NEK10: variants seen among roughly 807,000 people sequenced by gnomAD.
NEK10 encodes serine/threonine-protein kinase Nek10.
Under a neutral mutation model 159.8 loss-of-function variants are expected in NEK10, and 122 were observed. The observed-to-expected ratio is 0.76, with a 90% CI of 0.66 to 0.89. The LOEUF (loss-of-function observed/expected upper bound fraction) is 0.89. NEK10 is among the 40% of genes least tolerant of loss of function. The pLI, the probability that NEK10 is intolerant of heterozygous loss-of-function variation, is 0.00. For missense variants in NEK10, 1,342 were observed against 1,323.1 expected, an observed-to-expected ratio of 1.01 and a Z score of -0.22; for synonymous variants, 466 against 457.1, an observed-to-expected ratio of 1.02 and a Z score of -0.25.
intron 6 of NEK10, among the ~76,000 whole-genome samples, chr3:27,321,338 T>C (rs889283002): frequency 6.6e-6 from 1 of 152,132 alleles, no homozygotes; most frequent in East Asian, 1.9e-4. Flanking sequence ...ATGTACAAGA[T>C]GTCCAGGTGA....
chr3:27,290,739 C>T lies in NEK10; in HGVS notation c.1621G>A (p.Gly541Ser), dbSNP rs1422668357. 5 of 1,605,920 alleles carry T rather than the reference C, an allele frequency of 3.1e-6. No homozygotes were observed. Among genetic ancestry groups the T allele is most frequent in the Admixed American group, 1.7e-5 (1 of 59,106 alleles). Reference protein sequence around the residue: ...GCVYKVRKHSGQNLLAMKEVN... With the variant: ...GCVYKVRKHSSQNLLAMKEVN... The stretch of plus-strand genomic sequence containing the variant: ...TCTTTCATTGCTAAAAGATTTTGAC[C>T]ACTATGCTTTCTAACCTAAAATAAA... Residue 541 changes from glycine (G) to serine (S), a missense_variant, in exon 19 of 36, where the codon GGT becomes AGT. Transcript: ENST00000691995.
At position 27,119,839 on chromosome 3, in the gene NEK10, C is replaced by T. The variant is rs1941031939; in HGVS notation, c.3111G>A (p.Glu1037=). The T allele has an allele frequency of 6.2e-7, 1 of 1,613,858 alleles. No individual in the cohort carries two copies. The highest frequency in any genetic ancestry group is 8.5e-7 in the Non-Finnish European group (1 of 1,179,862). The change falls in exon 33 of 36, where the codon GAG becomes GAA. Residue 1037 remains glutamate, a synonymous_variant. Coordinates refer to ENST00000691995, the MANE Select transcript of NEK10 (RefSeq NM_001394966.1). ...KLSQGSPEPI[E]PNFFTADYHL... is the part of the protein sequence containing the mutation. ...GGTAATCTGCTGTGAAAAAGTTGGG[C>T]TCAATCGGTTCTGGAGATCCCTGAG...
At chr3:27,349,411 C>G (rs2047805391) in intron 3 of NEK10, among the ~76,000 whole-genome samples, 1 of 152,058 alleles carries the variant, frequency 6.6e-6, no homozygotes, top group African/African-American at 2.4e-5. Flanking sequence ...GCTTCCTATT[C>G]CTCAAAAGCT....
At chr3:27,135,188 G>A (rs1384489816) in intron 31 of NEK10, among the ~76,000 whole-genome samples, 1 of 152,174 alleles carries the variant, frequency 6.6e-6, no homozygotes, top group Non-Finnish European at 1.5e-5. Context: ...GGAGGCAAAG[G>A]TGGGAGGACC....
Position 27,150,227 on chromosome 3 carries a change from T to C in NEK10, c.2870-8645A>G, listed in dbSNP as rs550523169. 1.4e-4 allele frequency among the ~76,000 whole-genome samples: 22 copies of C among 152,312 alleles called. 1 individual carries two copies. The highest frequency in any genetic ancestry group is 5.1e-4 in the African/African-American group (21 of 41,564). On this transcript the variant is annotated intron_variant, in intron 30 of 35. Transcript: ENST00000691995. ...TAGAAGTTGCAGCAAGGTAAGATCT[T>C]CTTATGATCCAGCTAAGATAACTGA...
At chr3:27,167,975 G>A (rs1183677635) in intron 29 of NEK10, among the ~76,000 whole-genome samples, 2 of 152,100 alleles carry the variant, frequency 1.3e-5, no homozygotes, top group African/African-American at 2.4e-5. Context: ...AGGGAGTTAC[G>A]TTAGTTTTTC....
At chr3:27,199,761 T>C (rs1460159496) in intron 25 of NEK10, among the ~76,000 whole-genome samples, 2 of 152,204 alleles carry the variant, frequency 1.3e-5, no homozygotes, top group Admixed American at 6.5e-5. Flanking sequence ...ATACACACCA[T>C]GGAATACTAT....
chr3:27,293,595 A>G lies in NEK10; in HGVS notation c.1366T>C (p.Phe456Leu). 1 of 1,538,942 alleles carries G rather than the reference A, an allele frequency of 6.5e-7. No individual in the cohort carries two copies. Among genetic ancestry groups the G allele is most frequent in the Non-Finnish European group, 9.0e-7 (1 of 1,115,764 alleles). Reference protein sequence around the residue: ...LFSMERNRPLFKRLFPTDLFE... With the variant: ...LFSMERNRPLLKRLFPTDLFE... ...ATTTCTCTAACCTCATACCTTTTAA[A>G]GAGTGGTCTGTTTCTTTCCATACTG... The change falls in exon 16 of 36, where the codon TTT becomes CTT. Residue 456 changes from phenylalanine (F) to leucine (L), a missense_variant. Coordinates refer to ENST00000691995, the MANE Select transcript of NEK10 (RefSeq NM_001394966.1).
chr3:27,338,326 C>T (rs138156482), intron 5 of NEK10, among the ~76,000 whole-genome samples: 1 of 152,296 alleles, frequency 6.6e-6, no homozygotes, highest in Non-Finnish European at 1.5e-5. Context: ...TTTCTTTACC[C>T]AGTCTATTAT....
In NEK10 at chr3:27,227,067, T is replaced by C. The variant is rs369497222; in HGVS notation, c.2091-24510A>G. ...TTTCATTCATTTATTCATTCATTCA[T>C]TTATTCATTGAACAAGCATTTTCTG... On this transcript the variant is annotated intron_variant, in intron 23 of 35. Transcript: ENST00000691995. 2.0e-5 allele frequency among the ~76,000 whole-genome samples: 3 copies of C among 152,330 alleles called. No homozygotes were observed. In the East Asian group the frequency reaches 5.8e-4, roughly 29 times the overall value.
intron 1 of NEK10, among the ~76,000 whole-genome samples, chr3:27,366,414 ACTGT>A (rs1248643624): frequency 5.9e-5 from 9 of 152,164 alleles, no homozygotes; most frequent in African/African-American, 1.9e-4. Flanking sequence ...ATATTTGTTG[ACTGT>A]CTGGATGAAC....
intron 24 of NEK10, among the ~76,000 whole-genome samples, chr3:27,201,791 C>A: frequency 6.6e-6 from 1 of 152,244 alleles, no homozygotes; most frequent in Middle Eastern, 3.4e-3. Context: ...TAAAAATTAA[C>A]CTTAGATTCA....
At chr3:27,250,573 C>G (rs969511886) in intron 23 of NEK10, among the ~76,000 whole-genome samples, 1 of 152,076 alleles carries the variant, frequency 6.6e-6, no homozygotes, top group Non-Finnish European at 1.5e-5. Flanking sequence ...TTGAAGAACC[C>G]CCTTTAGCAT....
intron 25 of NEK10, among the ~76,000 whole-genome samples, chr3:27,199,458 C>T (rs188208695): frequency 6.6e-6 from 1 of 152,130 alleles, no homozygotes; most frequent in East Asian, 1.9e-4. Context: ...CAAAAAATAA[C>T]AGATGCTGGA....
intron 22 of NEK10, among the ~76,000 whole-genome samples, chr3:27,260,965 C>G (rs28832278): frequency 0.02 from 2,971 of 152,110 alleles, 101 homozygotes; most frequent in African/African-American, 0.069. Flanking sequence ...TGTATGTGTC[C>G]AGGAATTTAT....
At chr3:27,307,692 A>G (rs2044348508) in intron 11 of NEK10, among the ~76,000 whole-genome samples, 167 bp downstream of exon 11, 1 of 152,248 alleles carries the variant, frequency 6.6e-6, no homozygotes, top group South Asian at 2.1e-4. Context: ...AAATGGATAT[A>G]CTTCTTTGCT....
intron 23 of NEK10, among the ~76,000 whole-genome samples, chr3:27,232,172 T>C (rs1021660275): frequency 6.6e-6 from 1 of 150,858 alleles, no homozygotes; most frequent in African/African-American, 2.4e-5. Context: ...ACCTAAAAAC[T>C]CATCCAAAAA....
intron 11 of NEK10, among the ~76,000 whole-genome samples, chr3:27,305,410 G>A (rs2044160743): frequency 6.6e-6 from 1 of 152,082 alleles, no homozygotes; most frequent in African/African-American, 2.4e-5. Context: ...TGTAATCCCA[G>A]CCACTTGGGA....
At chr3:27,290,116 A>G (rs1243471363) in intron 19 of NEK10, among the ~76,000 whole-genome samples, 2 of 152,234 alleles carry the variant, frequency 1.3e-5, no homozygotes, top group African/African-American at 4.8e-5. Context: ...AACTTTCATA[A>G]TGAGAGTTAA....
Sources: gnomAD v4.1 joint callset for allele counts (sites outside exome capture counted in the v4.1 genomes callset) on GRCh38, gnomAD v4.1.1 for gene constraint, MANE v1.5 for transcripts, NCBI Gene and HGNC (gene_info 2026-07-23, HGNC 2026-07-21) for gene names.